Variants in ITM2B observed in about 807,000 individuals in gnomAD.
ITM2B encodes the protein ABri/ADan amyloid peptide.
A neutral mutation model predicts 27.8 loss-of-function variants in ITM2B; 11 were observed. The ratio of observed to expected loss-of-function variants is 0.40; its 90% CI spans 0.25 to 0.66. The LOEUF (loss-of-function observed/expected upper bound fraction) is 0.66, where lower values mean the gene tolerates loss of function less well. ITM2B is among the 30% of genes least tolerant of loss of function. ITM2B has a pLI of 0.43. For missense variants in ITM2B, 296 were observed against 328.9 expected (o/e 0.90, Z 0.77); for synonymous variants, 114 against 114.3 (o/e 1.00, Z 0.02).
intron 1 of ITM2B, among the ~76,000 whole-genome samples, chr13:48,238,014 G>A (rs1284790532): frequency 6.6e-6 from 1 of 152,144 alleles, no homozygotes; most frequent in African/African-American, 2.4e-5. Flanking sequence ...ACTTTAGACC[G>A]TTACTGAAAC....
In ITM2B at chr13:48,264,733, T is replaced by C. The variant is rs1222655616; in HGVS notation, c.*3509T>C. 6.6e-6 allele frequency: 1 copy of C among 152,204 alleles called. No homozygotes were observed. Among genetic ancestry groups the C allele is most frequent in the South Asian group, 2.1e-4 (1 of 4,830 alleles). 9.4% of individuals were successfully genotyped at this position (152,204 alleles called of 1,614,324 possible). A position where few individuals can be genotyped will look rare whatever the true frequency, so the allele number is the denominator to read the frequency against. On this transcript the variant is annotated 3_prime_UTR_variant, in exon 6 of 6. Transcript: ENST00000647800. ...TCCACAAAGCTACACAGCCATCAGTTCGTTCAATATCTTGTCCAAAGTTAT... is the reference window on the plus strand; with the variant it reads ...TCCACAAAGCTACACAGCCATCAGTCCGTTCAATATCTTGTCCAAAGTTAT...
chr13:48,255,486 G>A (rs1951781614), intron 2 of ITM2B, among the ~76,000 whole-genome samples: 1 of 151,940 alleles, frequency 6.6e-6, no homozygotes, highest in Admixed American at 6.6e-5. Context: ...GTGGAGACAG[G>A]GTCTCACCAT....
chr13:48,250,443 C>A (rs539790923), intron 1 of ITM2B, among the ~76,000 whole-genome samples: 2 of 152,062 alleles, frequency 1.3e-5, no homozygotes, highest in East Asian at 3.9e-4. Context: ...ACGGTGAAAC[C>A]CTGTCTCTAC....
At position 48,266,409 on chromosome 13, in the gene ITM2B, GCT is replaced by G. The variant is rs922963314; in HGVS notation, c.*5190_*5191del. 8 of 152,212 alleles carry G rather than the reference GCT, an allele frequency of 5.3e-5. No individual in the cohort carries two copies. Among genetic ancestry groups the G allele is most frequent in the African/African-American group, 1.7e-4 (7 of 41,520 alleles). The allele number at this position is 152,212 out of a possible 1,614,324, so 9.4% of individuals were successfully genotyped here. A position where few individuals can be genotyped will look rare whatever the true frequency, so the allele number is the denominator to read the frequency against. ...AAGTTTCCTCAGAGATGCCACCATA[GCT>G]CTCTATTTCTCATACCTTTCATGAT... On this transcript the variant is annotated 3_prime_UTR_variant, in exon 6 of 6. Coordinates refer to ENST00000647800, the MANE Select transcript of ITM2B (RefSeq NM_021999.5).
At chr13:48,258,028 G>A in intron 3 of ITM2B, 98 bp from the exon 4 acceptor site, 1 of 722,724 alleles carries the variant, frequency 1.4e-6, no homozygotes. Context: ...ACATTCTAAA[G>A]CCAATTCATT....
chr13:48,247,528 G>T (rs1566160701), intron 1 of ITM2B, among the ~76,000 whole-genome samples: 1 of 152,050 alleles, frequency 6.6e-6, no homozygotes. Context: ...TCAAATAGAG[G>T]TGCCTAAGAA....
chr13:48,235,778 G>A (rs1021088031), intron 1 of ITM2B, among the ~76,000 whole-genome samples: 1 of 152,200 alleles, frequency 6.6e-6, no homozygotes, highest in African/African-American at 2.4e-5. Context: ...ATCAAACCAA[G>A]CTAGTTAATG....
At position 48,233,420 on chromosome 13, in the gene ITM2B, C is replaced by T. The variant is rs778187781; in HGVS notation, c.60C>T (p.Pro20=). 1 of 1,553,124 alleles carries T rather than the reference C, an allele frequency of 6.4e-7. No individual in the cohort carries two copies. The highest frequency in any genetic ancestry group is 8.7e-7 in the Non-Finnish European group (1 of 1,151,920). Residue 20 remains proline (P), a synonymous_variant, in exon 1 of 6, where the codon CCC becomes CCT. Coordinates refer to ENST00000647800, the MANE Select transcript of ITM2B (RefSeq NM_021999.5). ...LAQKEAKKDE[P]KSGEEALIIP... ...AGAAGGAGGCCAAGAAGGACGAGCCCAAGAGCGGCGAGGAGGCGCTCATCA... is the reference window on the plus strand; with the variant it reads ...AGAAGGAGGCCAAGAAGGACGAGCCTAAGAGCGGCGAGGAGGCGCTCATCA...
chr13:48,264,103 T>C lies in ITM2B; in HGVS notation c.*2879T>C, dbSNP rs1215082664. ...CAAGTTGTTGGCCGTGATTGCTCTT[T>C]TGTGATGCAGGAGTGAGAATCTGGA... On this transcript the variant is annotated 3_prime_UTR_variant, in exon 6 of 6. Coordinates refer to ENST00000647800, the MANE Select transcript of ITM2B (RefSeq NM_021999.5). 6.6e-6 allele frequency: 1 copy of C among 152,158 alleles called. No homozygotes were observed. Among genetic ancestry groups the C allele is most frequent in the Non-Finnish European group, 1.5e-5 (1 of 68,038 alleles). The allele number at this position is 152,158 out of a possible 1,614,324, so 9.4% of individuals were successfully genotyped here. A position where few individuals can be genotyped will look rare whatever the true frequency, so the allele number is the denominator to read the frequency against.
Position 48,258,902 on chromosome 13 carries a change from C to G in ITM2B, c.670C>G (p.His224Asp). 6.2e-7 allele frequency: 1 copy of G among 1,613,066 alleles called. No homozygotes were observed. The change falls in exon 5 of 6, where the codon CAT becomes GAT. Residue 224 changes from histidine to aspartate, a missense_variant. Physicochemically the swap from His to Asp is moderately conservative, Grantham distance 81. Transcript: ENST00000647800. ...HLGFFIYRLCHDKETYKLQRR... is the reference protein window; with the variant it reads ...HLGFFIYRLCDDKETYKLQRR... ...GGGTTTCTTTATTTATCGACTGTGTCATGACAAGGAAACTTACAAACTGCA... is the reference window on the plus strand; with the variant it reads ...GGGTTTCTTTATTTATCGACTGTGTGATGACAAGGAAACTTACAAACTGCA...
rs1274438539 is a variant in ITM2B at position 48,261,677 on chromosome 13, A to C, written c.*453A>C. ...CACACATTTTAATTTTCCTCTAATT[A>C]AAATGTGCAGTATTTTCAGTGTCAA... On this transcript the variant is annotated 3_prime_UTR_variant, in exon 6 of 6. Coordinates refer to ENST00000647800, the MANE Select transcript of ITM2B (RefSeq NM_021999.5). 6.5e-6 allele frequency: 1 copy of C among 153,578 alleles called. No individual in the cohort carries two copies. The highest frequency in any genetic ancestry group is 2.4e-5 in the African/African-American group (1 of 41,462). The allele number at this position is 153,578 out of a possible 1,614,324, so 9.5% of individuals were successfully genotyped here. A position where few individuals can be genotyped will look rare whatever the true frequency, so the allele number is the denominator to read the frequency against.
chr13:48,252,954 C>T (rs1951763272), intron 1 of ITM2B, among the ~76,000 whole-genome samples: 1 of 152,242 alleles, frequency 6.6e-6, no homozygotes, highest in South Asian at 2.1e-4. Flanking sequence ...GTTAGAAGGG[C>T]ACAGGGAGGG....
intron 1 of ITM2B, among the ~76,000 whole-genome samples, chr13:48,239,444 G>A (rs182538361): frequency 2.6e-4 from 39 of 152,296 alleles, no homozygotes; most frequent in Admixed American, 2.5e-3. Flanking sequence ...AGATAAGCCT[G>A]GCCAACATAG....
rs1462203030 is a variant in ITM2B, at chr13:48,265,336, A to T, written c.*4112A>T. 6.6e-6 allele frequency: 1 copy of T among 152,066 alleles called. No homozygotes were observed. Among genetic ancestry groups the T allele is most frequent in the Non-Finnish European group, 1.5e-5 (1 of 68,030 alleles). 9.4% of individuals were successfully genotyped at this position (152,066 alleles called of 1,614,324 possible). On this transcript the variant is annotated 3_prime_UTR_variant, in exon 6 of 6. Coordinates refer to ENST00000647800, the MANE Select transcript of ITM2B (RefSeq NM_021999.5). ...AGATGCAAACGCCTTCTTCTTTCCA[A>T]ACAGTGTGGTCTTATCCCCGTCGCA...
chr13:48,235,008 T>G (rs1235181278), intron 1 of ITM2B, among the ~76,000 whole-genome samples: 1 of 115,414 alleles, frequency 8.7e-6, no homozygotes, highest in African/African-American at 6.5e-5. Flanking sequence ...GTCTTAATGC[T>G]ATCACATATA....
chr13:48,256,397 C>G lies in ITM2B; in HGVS notation c.453+14C>G. On this transcript the variant is annotated intron_variant, in intron 3 of 5. Transcript: ENST00000647800. ...GACTTTAACAAGGTGAGCCAAGTGT[C>G]CAGAATTGTAGAAAGAATGCAGGTT... 1.3e-6 allele frequency: 2 copies of G among 1,589,406 alleles called. No homozygotes were observed. Among genetic ancestry groups the G allele is most frequent in the Non-Finnish European group, 1.7e-6 (2 of 1,158,090 alleles).
At chr13:48,248,350 G>C (rs1039430483) in intron 1 of ITM2B, among the ~76,000 whole-genome samples, 3 of 151,762 alleles carry the variant, frequency 2.0e-5, no homozygotes, top group Non-Finnish European at 2.9e-5. Flanking sequence ...TGCCCAGGCT[G>C]GTCTGGAACT....
rs1951848290 is a variant in ITM2B, at chr13:48,265,639, AT to A, written c.*4416del. 6.6e-6 allele frequency: 1 copy of A among 152,592 alleles called. No individual in the cohort carries two copies. Among genetic ancestry groups the A allele is most frequent in the African/African-American group, 2.4e-5 (1 of 41,460 alleles). The allele number at this position is 152,592 out of a possible 1,614,324, so 9.5% of individuals were successfully genotyped here. On this transcript the variant is annotated 3_prime_UTR_variant, in exon 6 of 6. Coordinates refer to ENST00000647800, the MANE Select transcript of ITM2B (RefSeq NM_021999.5). ...CAGTCCCAACCCACTCTCCAGCTTC[AT>A]CTTAATCACACCCCTCTTTGCTCCT...
chr13:48,233,355 C>A lies in ITM2B; in HGVS notation c.-6C>A, dbSNP rs576743598. On this transcript the variant is annotated 5_prime_UTR_variant, in exon 1 of 6. Coordinates refer to ENST00000647800, the MANE Select transcript of ITM2B (RefSeq NM_021999.5). ...GCCGCCCTTCGAGGGCGCCCCAGGC[C>A]GCGCCATGGTGAAGGTGACGTTCAA... 13 of 1,542,874 alleles carry A rather than the reference C, an allele frequency of 8.4e-6. No homozygotes were observed. The highest frequency in any genetic ancestry group is 1.0e-5 in the Non-Finnish European group (12 of 1,144,124).
Sources: allele counts gnomAD v4.1 joint callset (sites outside exome capture counted in the v4.1 genomes callset), GRCh38; gene constraint gnomAD v4.1.1; transcripts MANE v1.5; gene names NCBI Gene and HGNC (gene_info 2026-07-23, HGNC 2026-07-21).